Variants in ZNF469 observed in about 807,000 individuals in gnomAD.
ZNF469 encodes the protein zinc finger protein 469.
A neutral mutation model predicts 1.0 loss-of-function variants in ZNF469; 1 was observed. That is an observed-to-expected ratio of 1.00 (90% CI 0.35 to 4.73). ZNF469 has a LOEUF of 4.73. ZNF469 is among the 30% of genes most tolerant of loss of function. The pLI is 0.16. For missense variants in ZNF469, 6,100 were observed against 5,356.3 expected, an observed-to-expected ratio of 1.14 and a Z score of -4.33; for synonymous variants, 2,703 against 2,363.4, an observed-to-expected ratio of 1.14 and a Z score of -4.17.
the ZNF469 span, among the ~76,000 whole-genome samples, chr16:88,235,832 G>A: frequency 4.6e-5 from 7 of 152,346 alleles, no homozygotes; most frequent in African/African-American, 1.7e-4. Flanking sequence ...AGGGGGTTGG[G>A]CCACAGTGTG....
the ZNF469 span, among the ~76,000 whole-genome samples, chr16:88,203,083 C>G: frequency 6.6e-6 from 1 of 152,046 alleles, no homozygotes; most frequent in Non-Finnish European, 1.5e-5. Flanking sequence ...AAAGAAGAAG[C>G]TCAGAGCAGG....
At chr16:88,325,555 G>A in the ZNF469 span, among the ~76,000 whole-genome samples, 4 of 152,246 alleles carry the variant, frequency 2.6e-5, no homozygotes, top group African/African-American at 9.6e-5. Flanking sequence ...GCCCAGCATG[G>A]CCAGAAATGA....
At chr16:88,282,031 T>C in the ZNF469 span, among the ~76,000 whole-genome samples, 1 of 152,234 alleles carries the variant, frequency 6.6e-6, no homozygotes, top group Non-Finnish European at 1.5e-5. Flanking sequence ...CATTATTGCA[T>C]CAGTCATTAT....
At chr16:88,348,088 G>A in the ZNF469 span, among the ~76,000 whole-genome samples, 1 of 152,268 alleles carries the variant, frequency 6.6e-6, no homozygotes, top group East Asian at 1.9e-4. Context: ...CGGAGCCTGA[G>A]TCTTCTGGGC....
the ZNF469 span, among the ~76,000 whole-genome samples, chr16:88,346,658 C>T: frequency 2.0e-5 from 3 of 152,210 alleles, no homozygotes; most frequent in Middle Eastern, 3.2e-3. Context: ...GCTGGGACTA[C>T]AGGTGCGCAC....
chr16:88,307,732 T>G, the ZNF469 span, among the ~76,000 whole-genome samples: 2 of 152,370 alleles, frequency 1.3e-5, no homozygotes, highest in Middle Eastern at 3.4e-3. Flanking sequence ...TTATGTGTTC[T>G]ACAGCCAGGT....
intron 1 of ZNF469, among the ~76,000 whole-genome samples, chr16:88,395,693 T>A (rs1244221496): frequency 1.3e-5 from 2 of 152,152 alleles, no homozygotes; most frequent in Non-Finnish European, 2.9e-5. Context: ...CACTCAGGGC[T>A]GTGTGACCAG....
At chr16:88,161,389 A>G in the ZNF469 span, among the ~76,000 whole-genome samples, 48,697 of 151,906 alleles carry the variant, frequency 0.32, 8,792 homozygotes, top group East Asian at 0.56. Flanking sequence ...GTGTGTGCTC[A>G]TCAGAATCTA....
the ZNF469 span, among the ~76,000 whole-genome samples, chr16:88,167,819 T>C: frequency 6.6e-6 from 1 of 152,242 alleles, no homozygotes; most frequent in Non-Finnish European, 1.5e-5. Flanking sequence ...AGGGATTCTC[T>C]GCACCGCTCC....
At chr16:88,416,658 A>G (rs1023012819) in intron 1 of ZNF469, among the ~76,000 whole-genome samples, 1 of 152,240 alleles carries the variant, frequency 6.6e-6, no homozygotes, top group African/African-American at 2.4e-5. Flanking sequence ...GAGTAATGGA[A>G]AATAACTAGG....
the ZNF469 span, among the ~76,000 whole-genome samples, chr16:88,278,745 G>A: frequency 2.9e-3 from 392 of 133,786 alleles, 33 homozygotes; most frequent in African/African-American, 9.3e-3. Flanking sequence ...ATCAGTGCAC[G>A]GTTAGTGCTG....
At chr16:88,118,761 T>A in the ZNF469 span, among the ~76,000 whole-genome samples, 1 of 152,250 alleles carries the variant, frequency 6.6e-6, no homozygotes, top group Non-Finnish European at 1.5e-5. Context: ...GTCAAAGACT[T>A]TATTTAACTC....
intron 1 of ZNF469, among the ~76,000 whole-genome samples, chr16:88,397,634 TG>T (rs879871647): frequency 0.25 from 31,292 of 125,526 alleles, 3,667 homozygotes; most frequent in African/African-American, 0.37. Context: ...GATGGATGGA[TG>T]GATGGATGGA....
chr16:88,281,090 C>A, the ZNF469 span, among the ~76,000 whole-genome samples: 1 of 147,070 alleles, frequency 6.8e-6, no homozygotes, highest in Admixed American at 6.8e-5. Context: ...TGTGCCACAC[C>A]AATGCTTGGT....
chr16:88,106,777 G>A, the ZNF469 span, among the ~76,000 whole-genome samples: 10 of 152,384 alleles, frequency 6.6e-5, no homozygotes, highest in South Asian at 4.1e-4. Flanking sequence ...GCCATGGGAC[G>A]GAGCTCAGCT....
the ZNF469 span, chr16:88,294,623 G>A: frequency 1.2e-4 from 18 of 152,220 alleles, no homozygotes; most frequent in African/African-American, 4.3e-4. Context: ...CTTTAACCCT[G>A]AGTATCCTTG....
At chr16:88,249,728 G>A in the ZNF469 span, among the ~76,000 whole-genome samples, 8 of 152,034 alleles carry the variant, frequency 5.3e-5, no homozygotes, top group South Asian at 2.1e-4. Flanking sequence ...GAGCCACCAC[G>A]CCCGGCCAAT....
chr16:88,321,858 T>C, the ZNF469 span, among the ~76,000 whole-genome samples: 9 of 152,356 alleles, frequency 5.9e-5, no homozygotes, highest in Admixed American at 2.0e-4. Context: ...TAAGGTCAGC[T>C]GATGGCCAAG....
At chr16:88,154,126 C>T in the ZNF469 span, among the ~76,000 whole-genome samples, 2 of 152,178 alleles carry the variant, frequency 1.3e-5, no homozygotes, top group Admixed American at 1.3e-4. Flanking sequence ...AGCCTTCATG[C>T]TTTTCTAAGC....
Sources: allele counts gnomAD v4.1 joint callset (sites outside exome capture counted in the v4.1 genomes callset), GRCh38; gene constraint gnomAD v4.1.1; transcripts MANE v1.5; gene names NCBI Gene and HGNC (gene_info 2026-07-23, HGNC 2026-07-21).